Variants in SLC4A4 observed in about 807,000 individuals in gnomAD.
SLC4A4 encodes the protein solute carrier family 4 member 4.
Under a neutral mutation model 111.5 loss-of-function variants are expected in SLC4A4, and 27 were observed. The ratio of observed to expected loss-of-function variants is 0.24; its 90% CI spans 0.18 to 0.33. The LOEUF is 0.33. Ranked by LOEUF, SLC4A4 falls within the 10% of genes least tolerant of loss-of-function variation. The probability of loss-of-function intolerance (pLI) is 1.00; values close to 1 mark genes in which losing one functional copy is unlikely to be tolerated. For missense variants in SLC4A4, 909 were observed against 1,315.5 expected (o/e 0.69, Z 4.78); for synonymous variants, 443 against 463.4 (o/e 0.96, Z 0.57).
intron 6 of SLC4A4, among the ~76,000 whole-genome samples, chr4:71,380,206 A>G (rs1027905649): frequency 6.6e-6 from 1 of 152,196 alleles, no homozygotes; most frequent in African/African-American, 2.4e-5. Context: ...TTCGTTTCTT[A>G]CTGTCTAGAT....
chr4:71,276,985 A>G (rs147684406), intron 3 of SLC4A4, among the ~76,000 whole-genome samples: 8 of 152,286 alleles, frequency 5.3e-5, no homozygotes, highest in African/African-American at 1.9e-4. Context: ...TCGAGTCTGT[A>G]GTGAGCCAAG....
intron 6 of SLC4A4, among the ~76,000 whole-genome samples, chr4:71,374,011 T>C (rs966451605): frequency 3.3e-5 from 5 of 152,282 alleles, no homozygotes; most frequent in East Asian, 1.9e-4. Context: ...GTGACCATCT[T>C]TGAAGATATG....
chr4:71,172,543 C>T (rs189307859), intron 2 of SLC4A4, among the ~76,000 whole-genome samples: 4 of 152,270 alleles, frequency 2.6e-5, no homozygotes, highest in East Asian at 3.9e-4. Flanking sequence ...CGTGAGCCAC[C>T]GTGCCTGGCC....
Position 71,570,862 on chromosome 4 carries a change from G to A in SLC4A4, c.*3111G>A, listed in dbSNP as rs1399538598. On this transcript the variant is annotated 3_prime_UTR_variant, in exon 26 of 26. Coordinates refer to ENST00000264485, the MANE Select transcript of SLC4A4 (RefSeq NM_001098484.3). ...GAATACTTGGAATTCTAATTGTTTT[G>A]TGTGCCAGGGGCAGTAATGTCCCTG... 2 of 151,892 alleles carry A rather than the reference G, an allele frequency of 1.3e-5. No individual in the cohort carries two copies. Among genetic ancestry groups the A allele is most frequent in the East Asian group, 3.9e-4 (2 of 5,144 alleles). The allele number at this position is 151,892 out of a possible 1,614,324, so 9.4% of individuals were successfully genotyped here. A position where few individuals can be genotyped will look rare whatever the true frequency, so the allele number is the denominator to read the frequency against.
At chr4:71,455,940 C>T (rs1353572602) in intron 12 of SLC4A4, among the ~76,000 whole-genome samples, 1 of 152,024 alleles carries the variant, frequency 6.6e-6, no homozygotes, top group Non-Finnish European at 1.5e-5. Context: ...GTATTTTTCT[C>T]CTATGTGATA....
In SLC4A4 at chr4:71,211,406, A is replaced by G. The variant is rs565141202; in HGVS notation, c.-2+24005A>G. On this transcript the variant is annotated intron_variant, in intron 1 of 25. Coordinates refer to ENST00000264485, the MANE Select transcript of SLC4A4 (RefSeq NM_001098484.3). ...ACTCCAAATAATTTGCAAAATTAAG[A>G]TATCAAAATGGTATATGATAGCTCA... Among the ~76,000 whole-genome samples the G allele has an allele frequency of 2.3e-4, 35 of 152,350 alleles. 1 individual carries two copies. The highest frequency in any genetic ancestry group is 7.8e-4 in the Admixed American group (12 of 15,308).
intron 23 of SLC4A4, among the ~76,000 whole-genome samples, chr4:71,561,814 G>T (rs1166800437): frequency 6.6e-6 from 1 of 151,678 alleles, no homozygotes; most frequent in East Asian, 1.9e-4. Flanking sequence ...AAAAATAAAA[G>T]GCTGCCTGAA....
intron 16 of SLC4A4, among the ~76,000 whole-genome samples, chr4:71,508,838 A>T (rs534457814): frequency 1.3e-5 from 2 of 152,350 alleles, no homozygotes; most frequent in East Asian, 3.9e-4. Flanking sequence ...CTTGATGAAC[A>T]TTGATGCAAA....
At position 71,070,602 on chromosome 4, in the gene SLC4A4, A is replaced by T. The variant is rs961481954; in HGVS notation, c.-65+7814A>T. On this transcript the variant is annotated intron_variant, in intron 1 of 26. Transcript: ENST00000649996. ...TTAAATATGATCAGTACAAAATTAG[A>T]GAAACTGATTTGCAAATTCTGTTTC... is the stretch of plus-strand genomic sequence containing the variant. Among the ~76,000 whole-genome samples the T allele has an allele frequency of 2.6e-5, 4 of 152,244 alleles. No homozygotes were observed. The South Asian group carries it at 8.3e-4, about 32-fold the overall frequency.
At chr4:71,275,937 C>T (rs569045484) in intron 3 of SLC4A4, among the ~76,000 whole-genome samples, 35 of 152,292 alleles carry the variant, frequency 2.3e-4, no homozygotes, top group South Asian at 1.5e-3. Flanking sequence ...GTTAAATCCA[C>T]GAGATGTGGC....
At chr4:71,186,604 C>T (rs1419930269), upstream of SLC4A4, among the ~76,000 whole-genome samples, 2 of 151,564 alleles carry the variant, frequency 1.3e-5, no homozygotes, top group Admixed American at 6.6e-5. Context: ...GCGGAGGCGG[C>T]GCGGCTCGAG....
chr4:71,287,959 G>C (rs1724045639), intron 3 of SLC4A4, among the ~76,000 whole-genome samples: 1 of 152,000 alleles, frequency 6.6e-6, no homozygotes, highest in Non-Finnish European at 1.5e-5. Context: ...TGATGGTGAT[G>C]AAAATTCCCA....
intron 3 of SLC4A4, among the ~76,000 whole-genome samples, chr4:71,302,731 C>G (rs975705851): frequency 1.3e-5 from 2 of 152,182 alleles, no homozygotes; most frequent in Non-Finnish European, 2.9e-5. Context: ...TGGTGACCTT[C>G]AAGGGCAATG....
chr4:71,214,310 G>C (rs1264508358), intron 1 of SLC4A4, among the ~76,000 whole-genome samples: 1 of 152,156 alleles, frequency 6.6e-6, no homozygotes, highest in East Asian at 1.9e-4. Flanking sequence ...GTTTGAAAGG[G>C]AATGATAATT....
At chr4:71,119,268 G>A (rs1743352169) in intron 2 of SLC4A4, among the ~76,000 whole-genome samples, 1 of 152,170 alleles carries the variant, frequency 6.6e-6, no homozygotes, top group Non-Finnish European at 1.5e-5. Context: ...CTGGCTTCCA[G>A]TGTTTTCTGT....
chr4:71,534,199 C>A, intron 17 of SLC4A4, 28 bp from the exon 18 acceptor site: 1 of 1,611,508 alleles, frequency 6.2e-7, no homozygotes, highest in South Asian at 1.1e-5. Flanking sequence ...TGATAATTTT[C>A]TGAAAAATGT....
intron 7 of SLC4A4, 52 bp from the exon 8 acceptor site, chr4:71,440,564 C>A: frequency 6.2e-7 from 1 of 1,606,552 alleles, no homozygotes; most frequent in South Asian, 1.1e-5. Context: ...AATAGTAATT[C>A]CACAGGAACC....
In SLC4A4 at chr4:71,532,148, A is replaced by G. The variant is rs765676720; in HGVS notation, c.2253A>G (p.Pro751=). Reference sequence around the variant, plus strand: ...ATGCCCTAGTAGGCGTGGACACCCCAAAACTAATTGTGCCAAGTGAGTTCA... The same window carrying G: ...ATGCCCTAGTAGGCGTGGACACCCCGAAACTAATTGTGCCAAGTGAGTTCA... The part of the protein sequence containing the change: ...VIDALVGVDT[P]KLIVPSEFKP... The change falls in exon 17 of 26, where the codon CCA becomes CCG. Residue 751 remains proline (P), a synonymous_variant. Coordinates refer to ENST00000264485, the MANE Select transcript of SLC4A4 (RefSeq NM_001098484.3). 5 of 1,610,774 alleles carry G rather than the reference A, an allele frequency of 3.1e-6. No individual in the cohort carries two copies. The highest frequency in any genetic ancestry group is 3.4e-6 in the Non-Finnish European group (4 of 1,177,142).
chr4:71,249,507 C>G (rs998423540), intron 2 of SLC4A4, among the ~76,000 whole-genome samples: 1 of 152,136 alleles, frequency 6.6e-6, no homozygotes. Context: ...GTATTTATAC[C>G]AGTAAATTAG....
Sources: gnomAD v4.1 joint callset for allele counts (sites outside exome capture counted in the v4.1 genomes callset) on GRCh38, gnomAD v4.1.1 for gene constraint, MANE v1.5 for transcripts, NCBI Gene and HGNC (gene_info 2026-07-23, HGNC 2026-07-21) for gene names.